DLGAP4: variants seen among roughly 807,000 people sequenced by gnomAD.
DLGAP4 encodes the protein DLG associated protein 4.
In DLGAP4, 18 loss-of-function variants were observed where a neutral mutation model predicts 86.9. The ratio of observed to expected loss-of-function variants is 0.21; its 90% confidence interval spans 0.14 to 0.31. DLGAP4 has a LOEUF of 0.31. Ranked by LOEUF, DLGAP4 falls within the 10% of genes least tolerant of loss-of-function variation. The pLI is 1.00. For missense variants in DLGAP4, 1,085 were observed against 1,362.6 expected, an observed-to-expected ratio of 0.80 and a Z score of 3.21; for synonymous variants, 548 against 574.3, an observed-to-expected ratio of 0.95 and a Z score of 0.65.
chr20:36,499,339 TCTC>T, intron 8 of DLGAP4: 2 of 1,611,694 alleles, frequency 1.2e-6, no homozygotes, highest in Non-Finnish European at 1.7e-6. Context: ...AAGCCAGTCA[TCTC>T]CACCCCATCC....
intron 7 of DLGAP4, among the ~76,000 whole-genome samples, chr20:36,471,569 C>T (rs1443440754): frequency 1.3e-5 from 2 of 152,186 alleles, no homozygotes; most frequent in Non-Finnish European, 2.9e-5. Flanking sequence ...TACTCTTGCC[C>T]TTCACTGAAC....
At chr20:36,446,624 C>T in intron 6 of DLGAP4, 73 bp from the exon 7 acceptor site, 1 of 1,450,000 alleles carries the variant, frequency 6.9e-7, no homozygotes, top group East Asian at 2.3e-5. Context: ...TGCCCTGAGC[C>T]CACCACCAAG....
At chr20:36,317,681 T>C (rs2065123168) in intron 1 of DLGAP4, among the ~76,000 whole-genome samples, 1 of 151,652 alleles carries the variant, frequency 6.6e-6, no homozygotes, top group Non-Finnish European at 1.5e-5. Flanking sequence ...GGTCTTGAAC[T>C]CTTGGCCTCA....
At chr20:36,458,048 A>AGAGCACT (rs2033925833) in intron 7 of DLGAP4, among the ~76,000 whole-genome samples, 1 of 152,142 alleles carries the variant, frequency 6.6e-6, no homozygotes, top group Non-Finnish European at 1.5e-5. Flanking sequence ...GGTGGGGGGC[A>AGAGCACT]GAGCACTGAG....
intron 2 of DLGAP4, among the ~76,000 whole-genome samples, chr20:36,387,039 C>G (rs2031623483): frequency 6.6e-6 from 1 of 152,160 alleles, no homozygotes; most frequent in African/African-American, 2.4e-5. Context: ...CCATGAAGAT[C>G]TCTGTGAATA....
chr20:36,433,569 T>A (rs1221884392), intron 3 of DLGAP4, among the ~76,000 whole-genome samples: 2 of 152,016 alleles, frequency 1.3e-5, no homozygotes, highest in African/African-American at 4.8e-5. Context: ...AGGAGCTGCT[T>A]CTGCAGGTAG....
chr20:36,446,619 T>G, intron 6 of DLGAP4, 78 bp from the exon 7 acceptor site: 36 of 1,416,836 alleles, frequency 2.5e-5, no homozygotes, highest in Non-Finnish European at 3.1e-5. Context: ...AGCCCTGCCC[T>G]GAGCCCACCA....
intron 7 of DLGAP4, among the ~76,000 whole-genome samples, chr20:36,456,214 T>C (rs1055141770): frequency 1.3e-5 from 2 of 152,170 alleles, no homozygotes; most frequent in Non-Finnish European, 2.9e-5. Flanking sequence ...CTAGGGAAGA[T>C]GATTATCTAT....
At chr20:36,522,443 G>C (rs1009131090) in intron 10 of DLGAP4, among the ~76,000 whole-genome samples, 3 of 152,128 alleles carry the variant, frequency 2.0e-5, no homozygotes, top group Non-Finnish European at 4.4e-5. Flanking sequence ...TTATAGGTCT[G>C]AGCCACTATG....
At chr20:36,435,403 C>A (rs1233973236) in intron 3 of DLGAP4, among the ~76,000 whole-genome samples, 2 of 152,344 alleles carry the variant, frequency 1.3e-5, no homozygotes, top group Middle Eastern at 3.4e-3. Context: ...CGGTTGGTTA[C>A]TGCCACCATA....
intron 10 of DLGAP4, among the ~76,000 whole-genome samples, chr20:36,518,206 AACAAG>A (rs925546626): frequency 1.3e-4 from 20 of 152,074 alleles, no homozygotes; most frequent in East Asian, 3.9e-4. Context: ...TGGGCAACAA[AACAAG>A]ACAAGACTCG....
chr20:36,371,934 G>T (rs2030955826), intron 2 of DLGAP4, among the ~76,000 whole-genome samples: 1 of 152,136 alleles, frequency 6.6e-6, no homozygotes, highest in Non-Finnish European at 1.5e-5. Context: ...TTTAGGACTT[G>T]TGGGGAGGAA....
chr20:36,368,844 C>A (rs2030800648), intron 2 of DLGAP4, among the ~76,000 whole-genome samples: 1 of 152,218 alleles, frequency 6.6e-6, no homozygotes. Context: ...CAATTAAATT[C>A]CCCCATAACC....
intron 2 of DLGAP4, among the ~76,000 whole-genome samples, chr20:36,386,862 T>G (rs1371494270): frequency 1.3e-5 from 2 of 152,350 alleles, no homozygotes; most frequent in Middle Eastern, 6.8e-3. Flanking sequence ...CTTACATAAA[T>G]TATATCATAA....
chr20:36,313,096 C>T (rs2065067267), intron 1 of DLGAP4, among the ~76,000 whole-genome samples: 1 of 152,140 alleles, frequency 6.6e-6, no homozygotes, highest in Non-Finnish European at 1.5e-5. Flanking sequence ...ACTGCCCTCA[C>T]CCCTGACCTG....
intron 1 of DLGAP4, among the ~76,000 whole-genome samples, chr20:36,325,423 G>GTTGT: frequency 6.6e-6 from 1 of 152,162 alleles, no homozygotes; most frequent in Non-Finnish European, 1.5e-5. Flanking sequence ...TATGTATTCT[G>GTTGT]TTGTTAGGGG....
intron 7 of DLGAP4, among the ~76,000 whole-genome samples, chr20:36,477,550 C>T (rs1332254524): frequency 6.6e-6 from 1 of 152,156 alleles, no homozygotes; most frequent in Admixed American, 6.5e-5. Flanking sequence ...GCCACTGCCC[C>T]CTATGGAGGC....
At chr20:36,517,385 A>C (rs1169107988) in intron 10 of DLGAP4, among the ~76,000 whole-genome samples, 1 of 151,904 alleles carries the variant, frequency 6.6e-6, no homozygotes, top group African/African-American at 2.4e-5. Flanking sequence ...TCCTGCCTCA[A>C]CCTCCCGAGT....
chr20:36,452,517 C>CTT (rs35771997), intron 7 of DLGAP4, among the ~76,000 whole-genome samples: 11 of 132,070 alleles, frequency 8.3e-5, no homozygotes, highest in African/African-American at 1.7e-4. Flanking sequence ...TCTTGTAAAT[C>CTT]TTTTTTTTTT....
Sources: allele counts gnomAD v4.1 joint callset (sites outside exome capture counted in the v4.1 genomes callset), GRCh38; gene constraint gnomAD v4.1.1; transcripts MANE v1.5; gene names NCBI Gene and HGNC (gene_info 2026-07-23, HGNC 2026-07-21).